FSTL4: variants seen among roughly 807,000 people sequenced by gnomAD.
FSTL4 encodes follistatin like 4.
Under a neutral mutation model 78.2 loss-of-function variants are expected in FSTL4, and 28 were observed. The observed-to-expected ratio is 0.36, with a 90% CI of 0.27 to 0.49. FSTL4 has a LOEUF of 0.49. FSTL4 is among the 20% of genes least tolerant of loss of function. The probability of loss-of-function intolerance (pLI) is 0.98; values close to 1 mark genes in which losing one functional copy is unlikely to be tolerated. For missense variants in FSTL4, 922 were observed against 1,084.9 expected, an observed-to-expected ratio of 0.85 and a Z score of 2.11; for synonymous variants, 422 against 440.5, an observed-to-expected ratio of 0.96 and a Z score of 0.53.
chr5:133,694,249 C>A, the FSTL4 span, among the ~76,000 whole-genome samples: 59 of 152,348 alleles, frequency 3.9e-4, 1 homozygote, highest in African/African-American at 1.3e-3. Context: ...TGCCTCTGGA[C>A]TGTGCTGTCC....
the FSTL4 span, among the ~76,000 whole-genome samples, chr5:133,678,964 C>T: frequency 1.2e-4 from 19 of 152,168 alleles, no homozygotes; most frequent in Admixed American, 7.9e-4. Flanking sequence ...ACATTGCTGT[C>T]GATCAGGGAT....
chr5:133,830,843 A>T, the FSTL4 span, among the ~76,000 whole-genome samples: 2 of 151,986 alleles, frequency 1.3e-5, no homozygotes, highest in Non-Finnish European at 2.9e-5. Flanking sequence ...CATCCATTTA[A>T]AGTCTGGGCC....
At chr5:133,785,494 C>G in the FSTL4 span, among the ~76,000 whole-genome samples, 2 of 152,206 alleles carry the variant, frequency 1.3e-5, no homozygotes, top group African/African-American at 4.8e-5. Context: ...AGGATGGAGA[C>G]ATGAGTTTGG....
intron 7 of FSTL4, among the ~76,000 whole-genome samples, chr5:133,238,707 C>T (rs548181736): frequency 1.1e-4 from 16 of 152,272 alleles, no homozygotes; most frequent in Admixed American, 9.2e-4. Flanking sequence ...ATGATGTACA[C>T]GCATGAGTGC....
At chr5:133,778,747 G>A in the FSTL4 span, among the ~76,000 whole-genome samples, 2 of 152,158 alleles carry the variant, frequency 1.3e-5, no homozygotes, top group African/African-American at 4.8e-5. Context: ...GAAGGGTTTC[G>A]GCACTCGCAG....
the FSTL4 span, among the ~76,000 whole-genome samples, chr5:133,659,234 C>T: frequency 7.9e-5 from 12 of 152,188 alleles, no homozygotes; most frequent in Middle Eastern, 3.4e-3. Context: ...TTATTTCCCA[C>T]CCCAGCTCTG....
At chr5:133,368,012 A>G (rs1424010298) in intron 4 of FSTL4, among the ~76,000 whole-genome samples, 5 of 152,270 alleles carry the variant, frequency 3.3e-5, no homozygotes, top group Non-Finnish European at 5.9e-5. Context: ...CATCTCATCT[A>G]GCCTCTGCAT....
At chr5:133,486,372 A>G in intron 3 of FSTL4, among the ~76,000 whole-genome samples, 1 of 142,906 alleles carries the variant, frequency 7.0e-6, no homozygotes, top group Admixed American at 7.0e-5. Flanking sequence ...GGGGAGAGAC[A>G]GGTTGGGGGA....
At chr5:133,517,447 A>AAAAAAAAAAATATATATACAC (rs1554068019) in intron 3 of FSTL4, among the ~76,000 whole-genome samples, 1 of 16,416 alleles carries the variant, frequency 6.1e-5, no homozygotes, top group Non-Finnish European at 1.0e-4. Flanking sequence ...AAAAAAAAAA[A>AAAAAAAAAAATATATATACAC]ATATATATAT....
At chr5:133,618,913 C>G in the FSTL4 span, among the ~76,000 whole-genome samples, 2 of 152,194 alleles carry the variant, frequency 1.3e-5, no homozygotes, top group Non-Finnish European at 2.9e-5. Flanking sequence ...TTGTCCTCAT[C>G]ATGAACCCTT....
chr5:133,512,015 G>T (rs927897592), intron 3 of FSTL4, among the ~76,000 whole-genome samples: 1 of 152,162 alleles, frequency 6.6e-6, no homozygotes, highest in Non-Finnish European at 1.5e-5. Context: ...ATTCTGCAAG[G>T]TCCTTGCTCC....
chr5:133,260,105 A>T (rs1316693559), intron 6 of FSTL4, among the ~76,000 whole-genome samples: 1 of 152,216 alleles, frequency 6.6e-6, no homozygotes, highest in Non-Finnish European at 1.5e-5. Context: ...AATAGATGCA[A>T]GTCTTTATCA....
At chr5:133,796,777 T>C in the FSTL4 span, among the ~76,000 whole-genome samples, 1 of 152,022 alleles carries the variant, frequency 6.6e-6, no homozygotes, top group Non-Finnish European at 1.5e-5. Context: ...CGGCAACTTT[T>C]TGGGGATGAA....
At chr5:133,449,231 AC>A (rs1344400870) in intron 3 of FSTL4, among the ~76,000 whole-genome samples, 3 of 152,074 alleles carry the variant, frequency 2.0e-5, no homozygotes, top group Non-Finnish European at 2.9e-5. Flanking sequence ...TTCGCGCCTC[AC>A]CTTGAACCTG....
intron 3 of FSTL4, among the ~76,000 whole-genome samples, chr5:133,521,293 G>T (rs1257433887): frequency 6.6e-6 from 1 of 152,208 alleles, no homozygotes; most frequent in East Asian, 1.9e-4. Flanking sequence ...CAGCTGAGCA[G>T]TCGGGCAGGC....
At chr5:133,289,991 G>A (rs1417809358) in intron 6 of FSTL4, among the ~76,000 whole-genome samples, 2 of 152,144 alleles carry the variant, frequency 1.3e-5, no homozygotes, top group Admixed American at 6.5e-5. Flanking sequence ...AGAGTGTGCC[G>A]GGAGTGAGGC....
intron 13 of FSTL4, among the ~76,000 whole-genome samples, chr5:133,215,095 G>C (rs1750864456): frequency 6.6e-6 from 1 of 152,178 alleles, no homozygotes; most frequent in Non-Finnish European, 1.5e-5. Flanking sequence ...AAATCCAATG[G>C]TCAGTCCTCA....
chr5:133,549,410 G>T (rs369944735), intron 3 of FSTL4, among the ~76,000 whole-genome samples: 3 of 151,830 alleles, frequency 2.0e-5, no homozygotes, highest in African/African-American at 4.8e-5. Context: ...AATTCTATTT[G>T]GTTATTTTTC....
intron 3 of FSTL4, among the ~76,000 whole-genome samples, chr5:133,429,340 TC>T (rs1349168876): frequency 6.6e-6 from 1 of 152,088 alleles, no homozygotes. Context: ...CTGGAAATGA[TC>T]ATCTCCACAA....
Sources: allele counts gnomAD v4.1 joint callset (sites outside exome capture counted in the v4.1 genomes callset), GRCh38; gene constraint gnomAD v4.1.1; transcripts MANE v1.5; gene names NCBI Gene and HGNC (gene_info 2026-07-23, HGNC 2026-07-21).